AGBL1: variants seen among roughly 807,000 people sequenced by gnomAD.
AGBL1 encodes the protein AGBL carboxypeptidase 1, also known as cytosolic carboxypeptidase 4.
In AGBL1, 130 loss-of-function variants were observed where a neutral mutation model predicts 118.9. That is an observed-to-expected ratio of 1.09 (90% CI 0.95 to 1.26). The LOEUF is 1.26. Ranked by LOEUF, AGBL1 falls within the 50% of genes most tolerant of loss-of-function variation. The pLI is 0.00. For synonymous variants in AGBL1, 555 were observed against 478.9 expected (o/e 1.16, Z -2.08); for missense variants, 1,584 against 1,298.1 (o/e 1.22, Z -3.38).
intron 22 of AGBL1, among the ~76,000 whole-genome samples, chr15:86,779,168 T>C (rs1208423748): frequency 6.6e-6 from 1 of 152,156 alleles, no homozygotes; most frequent in East Asian, 1.9e-4. Context: ...CATTGACTAG[T>C]TTGTCCTCTT....
At chr15:86,898,040 G>A (rs927792319) in intron 22 of AGBL1, among the ~76,000 whole-genome samples, 3 of 151,924 alleles carry the variant, frequency 2.0e-5, no homozygotes, top group Non-Finnish European at 4.4e-5. Context: ...ACCGAGTGCT[G>A]GGACTACAGG....
intron 22 of AGBL1, among the ~76,000 whole-genome samples, chr15:86,705,790 C>T (rs1475869860): frequency 2.0e-5 from 3 of 152,068 alleles, no homozygotes; most frequent in African/African-American, 4.8e-5. Context: ...CAGAGCACAT[C>T]AAGGTGTCTC....
In AGBL1 at chr15:86,479,069, A is replaced by T. The variant is rs144018435; in HGVS notation, c.2556-43741A>T. 1.6e-3 allele frequency among the ~76,000 whole-genome samples: 245 copies of T among 152,326 alleles called. 1 individual carries two copies. Among genetic ancestry groups the T allele is most frequent in the Non-Finnish European group, 2.9e-3 (197 of 68,032 alleles). On this transcript the variant is annotated intron_variant, in intron 18 of 22. Transcript: ENST00000614907. ...AACTGGATCCTTCCTTACACCTTATACAAAAATCAATTCAAGATGGATTAA... is the reference window on the plus strand; with the variant it reads ...AACTGGATCCTTCCTTACACCTTATTCAAAAATCAATTCAAGATGGATTAA...
chr15:87,028,058 T>A (rs575584060), intron 24 of AGBL1, among the ~76,000 whole-genome samples: 64 of 151,250 alleles, frequency 4.2e-4, no homozygotes, highest in African/African-American at 1.2e-3. Flanking sequence ...GAAAAAAATA[T>A]ATATATATAT....
intron 23 of AGBL1, among the ~76,000 whole-genome samples, chr15:86,965,638 T>A (rs370229465): frequency 4.1e-4 from 63 of 152,158 alleles, no homozygotes; most frequent in African/African-American, 1.4e-3. Flanking sequence ...ATAAAGAAAA[T>A]GTGGCACATA....
At chr15:86,091,591 G>A (rs1896029980) in intron 1 of AGBL1, among the ~76,000 whole-genome samples, 1 of 152,160 alleles carries the variant, frequency 6.6e-6, no homozygotes, top group South Asian at 2.1e-4. Flanking sequence ...TAATCCCACA[G>A]ATACCCTTTG....
intron 22 of AGBL1, among the ~76,000 whole-genome samples, chr15:86,745,404 C>T (rs1373235272): frequency 1.3e-5 from 2 of 151,970 alleles, no homozygotes; most frequent in Middle Eastern, 3.2e-3. Flanking sequence ...GTCTGACCCC[C>T]AAAGTCCGTT....
intron 1 of AGBL1, among the ~76,000 whole-genome samples, chr15:86,123,349 C>T (rs1898206396): frequency 6.6e-6 from 1 of 152,194 alleles, no homozygotes; most frequent in African/African-American, 2.4e-5. Flanking sequence ...AAGCAATTCT[C>T]CTGCCTCAGC....
At chr15:86,995,275 T>C (rs2701408) in intron 24 of AGBL1, among the ~76,000 whole-genome samples, 82,919 of 151,880 alleles carry the variant, frequency 0.55, 24,772 homozygotes, top group South Asian at 0.72. Flanking sequence ...TAATCCCAAC[T>C]ATCAGGAGGC....
chr15:86,247,971 A>ATG, intron 7 of AGBL1, 92 bp downstream of exon 7: 1 of 1,469,398 alleles, frequency 6.8e-7, no homozygotes, highest in Non-Finnish European at 9.4e-7. Context: ...TAGAGCTGGG[A>ATG]ACGCCTCAGT....
chr15:86,887,210 A>G (rs772565402), intron 22 of AGBL1, among the ~76,000 whole-genome samples: 5 of 152,228 alleles, frequency 3.3e-5, no homozygotes, highest in Non-Finnish European at 5.9e-5. Context: ...TCATTCTGCC[A>G]TCTATCCTCT....
At chr15:86,862,522 C>G (rs1462671894) in intron 22 of AGBL1, among the ~76,000 whole-genome samples, 1 of 152,112 alleles carries the variant, frequency 6.6e-6, no homozygotes, top group Non-Finnish European at 1.5e-5. Context: ...GAGTTCGAGA[C>G]CAGCCTGGCC....
intron 21 of AGBL1, among the ~76,000 whole-genome samples, chr15:86,585,966 C>T (rs183336069): frequency 3.3e-5 from 5 of 152,232 alleles, no homozygotes; most frequent in East Asian, 1.9e-4. Flanking sequence ...CCACATTCCA[C>T]TGCTTTCACT....
intron 1 of AGBL1, among the ~76,000 whole-genome samples, chr15:86,135,916 A>G (rs939179522): frequency 1.8e-4 from 27 of 152,332 alleles, no homozygotes; most frequent in Admixed American, 1.8e-3. Flanking sequence ...TTCATGTGGA[A>G]TACTTGATCT....
At chr15:86,223,293 T>C (rs746599859) in intron 5 of AGBL1, among the ~76,000 whole-genome samples, 2 of 152,130 alleles carry the variant, frequency 1.3e-5, no homozygotes, top group African/African-American at 4.8e-5. Flanking sequence ...TGAACTAGGA[T>C]TGGGTTAGGC....
chr15:86,500,591 C>T (rs1775203214), intron 18 of AGBL1, among the ~76,000 whole-genome samples: 1 of 115,834 alleles, frequency 8.6e-6, no homozygotes, highest in Non-Finnish European at 1.8e-5. Flanking sequence ...TTGGTACAAC[C>T]ACTAGCTCAT....
chr15:86,585,165 G>C (rs1279574040), intron 21 of AGBL1, among the ~76,000 whole-genome samples: 1 of 152,066 alleles, frequency 6.6e-6, no homozygotes, highest in Non-Finnish European at 1.5e-5. Flanking sequence ...CTTTTTGGAT[G>C]CCTTTTATTT....
chr15:86,273,809 T>C (rs1339545901), intron 15 of AGBL1, among the ~76,000 whole-genome samples: 3 of 152,202 alleles, frequency 2.0e-5, no homozygotes, highest in Admixed American at 6.5e-5. Flanking sequence ...TGGGGACAAC[T>C]GTGAGCCGTG....
intron 5 of AGBL1, among the ~76,000 whole-genome samples, chr15:86,212,473 G>A (rs866861599): frequency 6.6e-6 from 1 of 152,148 alleles, no homozygotes; most frequent in African/African-American, 2.4e-5. Context: ...AGGGGAAAAG[G>A]CTTTCTAAAG....
Sources: gnomAD v4.1 joint callset for allele counts (sites outside exome capture counted in the v4.1 genomes callset) on GRCh38, gnomAD v4.1.1 for gene constraint, MANE v1.5 for transcripts, NCBI Gene and HGNC (gene_info 2026-07-23, HGNC 2026-07-21) for gene names.